The following PCP4L1 variants were observed in gnomAD, a reference collection of about 807,000 sequenced individuals.
The protein encoded by PCP4L1 is Purkinje cell protein 4 like 1.
Under a neutral mutation model 9.6 loss-of-function variants are expected in PCP4L1, and 9 were observed. That is an observed-to-expected ratio of 0.94 (90% CI 0.57 to 1.64). The LOEUF is 1.64. Ranked by LOEUF, PCP4L1 falls within the 40% of genes most tolerant of loss-of-function variation. The pLI is 0.00. For synonymous variants in PCP4L1, 31 were observed against 28.2 expected (o/e 1.10, Z -0.31); for missense variants, 81 against 80.8 (o/e 1.00, Z -0.01).
Position 161,258,809 on chromosome 1 carries a change from G to T in PCP4L1, c.-166G>T. On this transcript the variant is annotated 5_prime_UTR_variant, in exon 1 of 3. Coordinates refer to ENST00000504449, the MANE Select transcript of PCP4L1 (RefSeq NM_001102566.2). ...CCGGAGCTGGGCTCCGAGAATCCCG[G>T]GTGCCAGCACCAGAGCAGCGGCTCT... 9.1e-7 allele frequency: 1 copy of T among 1,096,806 alleles called. No individual in the cohort carries two copies. The highest frequency in any genetic ancestry group is 1.3e-6 in the Non-Finnish European group (1 of 758,338). The allele number at this position is 1,096,806 out of a possible 1,614,324, so 67.9% of individuals were successfully genotyped here. A position where few individuals can be genotyped will look rare whatever the true frequency, so the allele number is the denominator to read the frequency against.
chr1:161,267,192 C>T (rs1288560932), intron 1 of PCP4L1, among the ~76,000 whole-genome samples: 1 of 152,200 alleles, frequency 6.6e-6, no homozygotes, highest in Non-Finnish European at 1.5e-5. Flanking sequence ...TTAGGTTTCT[C>T]TGCCTTGGAC....
intron 1 of PCP4L1, among the ~76,000 whole-genome samples, chr1:161,262,988 A>G (rs1558141400): frequency 6.6e-6 from 1 of 152,166 alleles, no homozygotes; most frequent in Non-Finnish European, 1.5e-5. Context: ...CACCCAGAAA[A>G]CCTCAAATAA....
intron 1 of PCP4L1, among the ~76,000 whole-genome samples, chr1:161,261,664 G>C (rs1669419170): frequency 6.6e-6 from 1 of 152,228 alleles, no homozygotes; most frequent in Non-Finnish European, 1.5e-5. Flanking sequence ...TAATCCTGTT[G>C]TATTTCTCAT....
At chr1:161,269,132 A>C (rs560759314) in intron 1 of PCP4L1, among the ~76,000 whole-genome samples, 38 of 152,312 alleles carry the variant, frequency 2.5e-4, no homozygotes, top group Non-Finnish European at 3.2e-4. Flanking sequence ...ATTCACATAA[A>C]TATCCATTAA....
At chr1:161,259,083 G>T in intron 1 of PCP4L1, 100 bp downstream of exon 1, 1 of 1,469,858 alleles carries the variant, frequency 6.8e-7, no homozygotes, top group South Asian at 1.3e-5. Flanking sequence ...GCAGACCGGA[G>T]CCGCGAAGAA....
intron 1 of PCP4L1, among the ~76,000 whole-genome samples, chr1:161,268,293 C>T (rs181894215): frequency 1.5e-4 from 23 of 152,194 alleles, no homozygotes; most frequent in Admixed American, 9.8e-4. Flanking sequence ...GAAACTCCTA[C>T]GGTAGCAGAA....
At chr1:161,263,248 T>C (rs1669450657) in intron 1 of PCP4L1, among the ~76,000 whole-genome samples, 1 of 127,886 alleles carries the variant, frequency 7.8e-6, no homozygotes, top group Non-Finnish European at 1.8e-5. Flanking sequence ...TTTTTGTTTT[T>C]TTTTGGGTTG....
At chr1:161,283,417 A>C (rs1201969595) in intron 1 of PCP4L1, among the ~76,000 whole-genome samples, 2 of 152,164 alleles carry the variant, frequency 1.3e-5, no homozygotes, top group African/African-American at 4.8e-5. Flanking sequence ...ATACACTGGA[A>C]TGTAAGCTCC....
chr1:161,283,824 A>G lies in PCP4L1; in HGVS notation c.64+102A>G, dbSNP rs551145535. On this transcript the variant is annotated intron_variant, in intron 2 of 2. Transcript: ENST00000504449. ...TTTCCTAAAGTCAGACATGAAAGGA[A>G]TAAGAATGTGGATAAGTGAAACAAA... 4.2e-6 allele frequency: 5 copies of G among 1,200,400 alleles called. No individual in the cohort carries two copies. The Middle Eastern group carries it at 5.8e-4, about 139-fold the overall frequency. 74.4% of individuals were successfully genotyped at this position (1,200,400 alleles called of 1,614,324 possible).
At chr1:161,282,745 T>A (rs114021109) in intron 1 of PCP4L1, among the ~76,000 whole-genome samples, 91 of 152,288 alleles carry the variant, frequency 6.0e-4, no homozygotes, top group African/African-American at 2.1e-3. Context: ...AAACGGCAGC[T>A]CTATTTTTTT....
chr1:161,265,346 C>T (rs1669511889), intron 1 of PCP4L1, among the ~76,000 whole-genome samples: 2 of 152,054 alleles, frequency 1.3e-5, no homozygotes, highest in African/African-American at 4.8e-5. Flanking sequence ...GCCTGGGCAC[C>T]ATAGCAAGAC....
intron 1 of PCP4L1, among the ~76,000 whole-genome samples, chr1:161,259,861 A>G (rs4078109): frequency 0.6 from 91,805 of 152,070 alleles, 28,237 homozygotes; most frequent in East Asian, 0.73. Flanking sequence ...GTTAAATCCA[A>G]CTCCTCTGCT....
chr1:161,262,061 C>G (rs1273115178), intron 1 of PCP4L1, among the ~76,000 whole-genome samples: 1 of 152,150 alleles, frequency 6.6e-6, no homozygotes, highest in Non-Finnish European at 1.5e-5. Flanking sequence ...CCAAGTTTCT[C>G]TCTCTCATTG....
intron 1 of PCP4L1, among the ~76,000 whole-genome samples, chr1:161,278,529 A>G (rs570131850): frequency 1.5e-4 from 23 of 150,176 alleles, no homozygotes; most frequent in Non-Finnish European, 2.7e-4. Context: ...TCAGCCTCCC[A>G]AAGTGCTGGG....
chr1:161,262,903 A>G (rs73023876), intron 1 of PCP4L1, among the ~76,000 whole-genome samples: 6,604 of 152,294 alleles, frequency 0.043, 478 homozygotes, highest in African/African-American at 0.15. Flanking sequence ...ATTGTCTTTC[A>G]TGAGTCTATT....
chr1:161,271,166 T>C (rs1669619190), intron 1 of PCP4L1, among the ~76,000 whole-genome samples: 1 of 152,236 alleles, frequency 6.6e-6, no homozygotes, highest in East Asian at 1.9e-4. Flanking sequence ...CCATCTTGCA[T>C]TCCCACCAAC....
At chr1:161,259,084 C>G (rs943326422) in intron 1 of PCP4L1, 101 bp downstream of exon 1, 6 of 1,457,692 alleles carry the variant, frequency 4.1e-6, no homozygotes, top group Admixed American at 4.6e-5. Context: ...CAGACCGGAG[C>G]CGCGAAGAAC....
At chr1:161,270,876 T>TAAA (rs368483521) in intron 1 of PCP4L1, among the ~76,000 whole-genome samples, 12 of 135,764 alleles carry the variant, frequency 8.8e-5, no homozygotes, top group South Asian at 2.4e-4. Context: ...AGACTCCGTC[T>TAAA]AAAAAAAAAA....
intron 1 of PCP4L1, among the ~76,000 whole-genome samples, chr1:161,269,660 T>C (rs1316926100): frequency 6.6e-6 from 1 of 152,116 alleles, no homozygotes; most frequent in African/African-American, 2.4e-5. Context: ...GATGAGGTTA[T>C]TGAGGTAATC....
Sources: allele counts gnomAD v4.1 joint callset (sites outside exome capture counted in the v4.1 genomes callset), GRCh38; gene constraint gnomAD v4.1.1; transcripts MANE v1.5; gene names NCBI Gene and HGNC (gene_info 2026-07-23, HGNC 2026-07-21).